Variants in CCDC7 observed in about 807,000 individuals in gnomAD.
The protein encoded by CCDC7 is coiled-coil domain containing 7.
In CCDC7, 183 loss-of-function variants were observed where a neutral mutation model predicts 196.9. That is an observed-to-expected ratio of 0.93 (90% CI 0.82 to 1.05). The LOEUF (loss-of-function observed/expected upper bound fraction) is 1.05, where lower values mean the gene tolerates loss of function less well. Ranked by LOEUF, CCDC7 falls within the 50% of genes least tolerant of loss-of-function variation. The pLI is 0.00. For missense variants in CCDC7, 1,540 were observed against 1,482.2 expected (o/e 1.04, Z -0.64); for synonymous variants, 525 against 484.6 (o/e 1.08, Z -1.10).
chr10:32,821,404 C>T (rs953153130), intron 31 of CCDC7, among the ~76,000 whole-genome samples: 43 of 152,226 alleles, frequency 2.8e-4, no homozygotes, highest in African/African-American at 8.7e-4. Flanking sequence ...GTCAGTGTGG[C>T]GATTCTTCAG....
At chr10:32,499,593 TTTTTATTTTTTTA>T (rs2043540279) in intron 9 of CCDC7, among the ~76,000 whole-genome samples, 2 of 140,432 alleles carry the variant, frequency 1.4e-5, no homozygotes, top group Non-Finnish European at 3.1e-5. Context: ...GAATCTTTCT[TTTTTATTTTTTTA>T]TTTTTTTTTA....
At chr10:32,636,341 T>TA (rs781013988) in intron 20 of CCDC7, among the ~76,000 whole-genome samples, 1 of 152,164 alleles carries the variant, frequency 6.6e-6, no homozygotes, top group Non-Finnish European at 1.5e-5. Context: ...AACTCCTCAT[T>TA]TAACATTAGG....
chr10:32,590,397 C>T (rs189921413), intron 18 of CCDC7, among the ~76,000 whole-genome samples: 5 of 152,120 alleles, frequency 3.3e-5, no homozygotes, highest in Admixed American at 3.3e-4. Context: ...CATCCCCCTG[C>T]TTTTTAACTT....
chr10:32,822,932 C>T (rs2090496844), intron 31 of CCDC7, among the ~76,000 whole-genome samples: 1 of 152,106 alleles, frequency 6.6e-6, no homozygotes, highest in South Asian at 2.1e-4. Context: ...TAGTGTTTAA[C>T]TCTAAAATGC....
At chr10:32,861,689 TC>T (rs2093991058) in intron 41 of CCDC7, among the ~76,000 whole-genome samples, 1 of 150,622 alleles carries the variant, frequency 6.6e-6, no homozygotes, top group Admixed American at 6.7e-5. Flanking sequence ...AGGGCTAACA[TC>T]CAGAATCTAC....
In CCDC7 at chr10:32,580,464, AATTGT is replaced by A. The variant is rs1359855497; in HGVS notation, c.1455-2558_1455-2554del. 1.4e-3 allele frequency among the ~76,000 whole-genome samples: 220 copies of A among 152,198 alleles called. 1 individual carries two copies. Among genetic ancestry groups the A allele is most frequent in the Middle Eastern group, 0.014 (4 of 294 alleles). On this transcript the variant is annotated intron_variant, in intron 16 of 41. Transcript: ENST00000639629. ...CACTATGAATATTTTGATCAACATT[AATTGT>A]ATTGTATTGTAAAAACTATCAAAAT...
At chr10:32,752,389 C>T (rs1368977320) in intron 28 of CCDC7, among the ~76,000 whole-genome samples, 1 of 152,124 alleles carries the variant, frequency 6.6e-6, no homozygotes, top group African/African-American at 2.4e-5. Context: ...CCTTTTTCCC[C>T]CAAGTCTTCA....
intron 37 of CCDC7, among the ~76,000 whole-genome samples, chr10:32,847,551 C>A (rs3003908): frequency 6.6e-6 from 1 of 151,648 alleles, no homozygotes; most frequent in Non-Finnish European, 1.5e-5. Flanking sequence ...CCTATCTCTA[C>A]AAAAAATACA....
chr10:32,544,181 CA>C, intron 12 of CCDC7, 65 bp from the exon 14 acceptor site: 1 of 1,391,314 alleles, frequency 7.2e-7, no homozygotes, highest in South Asian at 1.4e-5. Flanking sequence ...AAGTCCTCCT[CA>C]AGAAAGCAAA....
intron 28 of CCDC7, among the ~76,000 whole-genome samples, chr10:32,756,864 T>G (rs1321308514): frequency 5.9e-5 from 9 of 152,178 alleles, no homozygotes; most frequent in African/African-American, 1.9e-4. Context: ...CCATCTCACG[T>G]GCAGAGACAC....
At chr10:32,759,176 A>T (rs1232721028) in intron 28 of CCDC7, among the ~76,000 whole-genome samples, 2 of 152,180 alleles carry the variant, frequency 1.3e-5, no homozygotes, top group Non-Finnish European at 2.9e-5. Context: ...GCCCAAGGTA[A>T]TTTATAGATT....
rs1382447660 is a variant in CCDC7 at position 32,505,459 on chromosome 10, T to C, written c.873-12486T>C. ...CACCCTTAATCCATTTAACCCTGAG[T>C]TGACACAGCACATGTTTCAGAGAGC... On this transcript the variant is annotated intron_variant, in intron 9 of 41. Transcript: ENST00000639629. Among the ~76,000 whole-genome samples the C allele has an allele frequency of 3.3e-5, 5 of 152,246 alleles. No individual in the cohort carries two copies. The East Asian group carries it at 5.8e-4, about 18-fold the overall frequency.
rs1033263125 is a variant in CCDC7, at chr10:32,475,598, C to T, written c.796+1575C>T. 4.6e-5 allele frequency among the ~76,000 whole-genome samples: 7 copies of T among 152,294 alleles called. No homozygotes were observed. In the South Asian group the frequency reaches 1.0e-3, roughly 23 times the overall value. Reference sequence around the variant, plus strand: ...TATATTGTACAATATGGAGAAAATGCTTTGCAAATTCGTAAGATCTTTTTT... The same window carrying T: ...TATATTGTACAATATGGAGAAAATGTTTTGCAAATTCGTAAGATCTTTTTT... On this transcript the variant is annotated intron_variant, in intron 8 of 41. Coordinates refer to ENST00000639629, the Ensembl canonical transcript of CCDC7.
chr10:32,584,133 G>T, intron 17 of CCDC7, 99 bp from the exon 19 acceptor site: 1 of 477,320 alleles, frequency 2.1e-6, no homozygotes, highest in Non-Finnish European at 3.4e-6. Context: ...AGAGCAAAAA[G>T]CTAGCTCTTT....
intron 33 of CCDC7, among the ~76,000 whole-genome samples, chr10:32,836,899 C>T (rs1297466537): frequency 6.6e-6 from 1 of 152,082 alleles, no homozygotes; most frequent in Non-Finnish European, 1.5e-5. Flanking sequence ...GGATCCCTTC[C>T]TTACACCTTA....
Position 32,700,148 on chromosome 10 carries a change from G to A in CCDC7, c.2458+5156G>A, listed in dbSNP as rs981147731. Reference sequence around the variant, plus strand: ...CTTGCCCATGCCTATGTCCTGAATGGTATTGCCTAGGTTTTCTTCTAGGGT... The same window carrying A: ...CTTGCCCATGCCTATGTCCTGAATGATATTGCCTAGGTTTTCTTCTAGGGT... On this transcript the variant is annotated intron_variant, in intron 24 of 41. Transcript: ENST00000639629. Among the ~76,000 whole-genome samples, 71 of 149,430 alleles carry A rather than the reference G, an allele frequency of 4.8e-4. 3 individuals carry two copies. The highest frequency in any genetic ancestry group is 8.8e-4 in the Non-Finnish European group (60 of 68,020).
intron 3 of CCDC7, among the ~76,000 whole-genome samples, chr10:32,457,125 C>T (rs1010979724): frequency 6.6e-6 from 1 of 151,832 alleles, no homozygotes; most frequent in African/African-American, 2.4e-5. Flanking sequence ...TATCGTTTAA[C>T]CAACCTCTCC....
intron 28 of CCDC7, among the ~76,000 whole-genome samples, chr10:32,755,413 T>C (rs58571764): frequency 0.053 from 8,067 of 152,080 alleles, 714 homozygotes; most frequent in African/African-American, 0.18. Flanking sequence ...CCCTCTGAGA[T>C]GAAGCTTCCA....
chr10:32,518,070 C>T, intron 10 of CCDC7, 95 bp downstream of exon 11: 1 of 1,382,994 alleles, frequency 7.2e-7, no homozygotes. Flanking sequence ...ATATAAAGAT[C>T]CAATCCTTAC....
Sources: gnomAD v4.1 joint callset for allele counts (sites outside exome capture counted in the v4.1 genomes callset) on GRCh38, gnomAD v4.1.1 for gene constraint, MANE v1.5 for transcripts, NCBI Gene and HGNC (gene_info 2026-07-23, HGNC 2026-07-21) for gene names.